The following STXBP5L variants were observed in gnomAD, a reference collection of about 807,000 sequenced individuals.
The protein encoded by STXBP5L is syntaxin binding protein 5L.
Under a neutral mutation model 144.5 loss-of-function variants are expected in STXBP5L, and 65 were observed. That is an observed-to-expected ratio of 0.45 (90% confidence interval 0.37 to 0.55). The LOEUF is 0.55. STXBP5L is among the 20% of genes least tolerant of loss of function. The probability of loss-of-function intolerance (pLI) is 0.00; values close to 1 mark genes in which losing one functional copy is unlikely to be tolerated. For missense variants in STXBP5L, 1,298 were observed against 1,405.5 expected (o/e 0.92, Z 1.22); for synonymous variants, 505 against 469.6 (o/e 1.08, Z -0.97).
At chr3:121,051,004 G>A (rs1247500273) in intron 5 of STXBP5L, among the ~76,000 whole-genome samples, 2 of 152,142 alleles carry the variant, frequency 1.3e-5, no homozygotes, top group Admixed American at 1.3e-4. Context: ...TTACATAATG[G>A]TAAAGGGATC....
intron 3 of STXBP5L, among the ~76,000 whole-genome samples, chr3:120,958,820 A>G (rs1448921813): frequency 2.0e-5 from 3 of 152,188 alleles, no homozygotes; most frequent in Non-Finnish European, 4.4e-5. Context: ...CAAAAACTGG[A>G]AGCATTCCCT....
intron 19 of STXBP5L, among the ~76,000 whole-genome samples, chr3:121,285,974 T>G (rs1167055307): frequency 3.3e-5 from 5 of 152,122 alleles, no homozygotes; most frequent in Non-Finnish European, 7.4e-5. Context: ...TACGTAGAAC[T>G]AAAACTCAGG....
At chr3:121,140,852 A>G (rs2045468527) in intron 7 of STXBP5L, among the ~76,000 whole-genome samples, 1 of 152,186 alleles carries the variant, frequency 6.6e-6, no homozygotes, top group Non-Finnish European at 1.5e-5. Flanking sequence ...ATAGGTAATG[A>G]TATATTGCAC....
At chr3:121,120,829 C>T (rs113648557) in intron 6 of STXBP5L, among the ~76,000 whole-genome samples, 11 of 151,326 alleles carry the variant, frequency 7.3e-5, no homozygotes, top group Non-Finnish European at 1.3e-4. Flanking sequence ...AATAATTTGA[C>T]ACTGTTAGGT....
At chr3:121,330,304 C>T (rs1163684453) in intron 20 of STXBP5L, among the ~76,000 whole-genome samples, 1 of 152,242 alleles carries the variant, frequency 6.6e-6, no homozygotes, top group African/African-American at 2.4e-5. Flanking sequence ...CTACTCCCCA[C>T]TGCCCTAGCA....
At chr3:120,971,111 G>A (rs589682) in intron 3 of STXBP5L, among the ~76,000 whole-genome samples, 32,569 of 152,022 alleles carry the variant, frequency 0.21, 3,726 homozygotes, top group Non-Finnish European at 0.26. Flanking sequence ...CTGTAGGGGG[G>A]AGGTTCCAGA....
At chr3:121,096,100 C>A (rs1211674072) in intron 5 of STXBP5L, among the ~76,000 whole-genome samples, 1 of 149,220 alleles carries the variant, frequency 6.7e-6, no homozygotes, top group African/African-American at 2.5e-5. Flanking sequence ...GGGCTGTACC[C>A]ACTATCCTGC....
In STXBP5L at chr3:121,378,806, G is replaced by A; in HGVS notation, c.2267G>A (p.Arg756His). Residue 756 changes from arginine to histidine, a missense_variant, in exon 21 of 27, where the codon CGC becomes CAC. Arg to His is a conservative substitution (Grantham distance 29, BLOSUM62 0). Transcript: ENST00000471454. ...LSSADVSKVN[R>H]WGPGRPPFRK... is the part of the protein sequence containing the mutation. ...AGTGCCGATGTTTCAAAAGTAAATC[G>A]CTGGGGTCCTGGAAGACCACCATTT... 4 of 1,613,652 alleles carry A rather than the reference G, an allele frequency of 2.5e-6. No individual in the cohort carries two copies. Among genetic ancestry groups the A allele is most frequent in the East Asian group, 2.2e-5 (1 of 44,842 alleles).
At chr3:120,931,167 G>T (rs954160368) in intron 2 of STXBP5L, among the ~76,000 whole-genome samples, 1 of 151,092 alleles carries the variant, frequency 6.6e-6, no homozygotes. Context: ...TTGAACTTGT[G>T]TTAGGTCATT....
At chr3:120,923,095 A>G (rs1460382054) in intron 2 of STXBP5L, among the ~76,000 whole-genome samples, 1 of 151,818 alleles carries the variant, frequency 6.6e-6, no homozygotes, top group East Asian at 1.9e-4. Flanking sequence ...GTGTCCATGA[A>G]TTTATTCCTT....
rs116110191 is a variant in STXBP5L, at chr3:121,386,796, G to A, written c.2587+5264G>A. On this transcript the variant is annotated intron_variant, in intron 22 of 26. Coordinates refer to ENST00000471454, the MANE Select transcript of STXBP5L (RefSeq NM_001308330.2). Reference sequence around the variant, plus strand: ...ATTTGTGCCAAATTTTCTTAATCCAGTCTGTCACCGATGGACATTTGGGTT... The same window carrying A: ...ATTTGTGCCAAATTTTCTTAATCCAATCTGTCACCGATGGACATTTGGGTT... Among the ~76,000 whole-genome samples the A allele has an allele frequency of 9.7e-3, 1,477 of 152,284 alleles. 23 individuals are homozygous for A. The highest frequency in any genetic ancestry group is 0.034 in the African/African-American group (1,407 of 41,546).
At chr3:121,256,281 T>G (rs987140326) in intron 16 of STXBP5L, among the ~76,000 whole-genome samples, 6 of 152,054 alleles carry the variant, frequency 3.9e-5, no homozygotes, top group Admixed American at 6.5e-5. Context: ...TTTTCTGTAG[T>G]TTTAAAATAA....
At chr3:121,179,234 G>T (rs1355861076) in intron 9 of STXBP5L, among the ~76,000 whole-genome samples, 3 of 151,970 alleles carry the variant, frequency 2.0e-5, no homozygotes, top group Non-Finnish European at 4.4e-5. Flanking sequence ...AGGAGACAGT[G>T]AACTCACCCA....
intron 7 of STXBP5L, among the ~76,000 whole-genome samples, chr3:121,130,452 G>A (rs988935354): frequency 3.3e-5 from 5 of 152,038 alleles, no homozygotes; most frequent in Non-Finnish European, 4.4e-5. Flanking sequence ...GATGTACACC[G>A]AGCCCAGAAT....
intron 20 of STXBP5L, among the ~76,000 whole-genome samples, chr3:121,359,439 G>A (rs2045634477): frequency 6.6e-6 from 1 of 151,944 alleles, no homozygotes; most frequent in Non-Finnish European, 1.5e-5. Context: ...ATCCTTTGCT[G>A]TGCTGAGTTT....
At chr3:120,979,053 G>T (rs533537552) in intron 3 of STXBP5L, among the ~76,000 whole-genome samples, 1 of 152,140 alleles carries the variant, frequency 6.6e-6, no homozygotes, top group African/African-American at 2.4e-5. Flanking sequence ...CTGCATGCTC[G>T]GAGAACCACT....
At chr3:121,182,585 A>C (rs1360605850) in intron 9 of STXBP5L, among the ~76,000 whole-genome samples, 1 of 152,156 alleles carries the variant, frequency 6.6e-6, no homozygotes, top group African/African-American at 2.4e-5. Flanking sequence ...AGCACATCTC[A>C]AGGAACTAGA....
intron 3 of STXBP5L, among the ~76,000 whole-genome samples, chr3:121,035,831 G>A (rs1019477241): frequency 2.6e-5 from 4 of 152,054 alleles, no homozygotes; most frequent in Non-Finnish European, 5.9e-5. Context: ...TCAATTTAGG[G>A]AAAGTTGCCA....
chr3:121,356,387 C>T (rs2045514702), intron 20 of STXBP5L, among the ~76,000 whole-genome samples: 1 of 152,234 alleles, frequency 6.6e-6, no homozygotes, highest in Non-Finnish European at 1.5e-5. Context: ...CTACTGAAGC[C>T]TCAGCAATGG....
Sources: gnomAD v4.1 joint callset for allele counts (sites outside exome capture counted in the v4.1 genomes callset) on GRCh38, gnomAD v4.1.1 for gene constraint, MANE v1.5 for transcripts, NCBI Gene and HGNC (gene_info 2026-07-23, HGNC 2026-07-21) for gene names.